Variants in DLG2 observed in about 807,000 individuals in gnomAD.
DLG2 encodes discs large MAGUK scaffold protein 2, also known as disks large homolog 2.
In DLG2, 45 loss-of-function variants were observed where a neutral mutation model predicts 132.5. That is an observed-to-expected ratio of 0.34 (90% confidence interval 0.27 to 0.44). The LOEUF (loss-of-function observed/expected upper bound fraction) is 0.44. Among genes scored for constraint, DLG2 ranks in the 20% least tolerant of loss-of-function variants. DLG2 has a pLI of 1.00. For synonymous variants in DLG2, 424 were observed against 419.6 expected, an observed-to-expected ratio of 1.01 and a Z score of -0.13; for missense variants, 1,045 against 1,196.9, an observed-to-expected ratio of 0.87 and a Z score of 1.87.
chr11:83,631,430 T>C (rs987358676), intron 19 of DLG2: 2 of 152,068 alleles, frequency 1.3e-5, no homozygotes, highest in Non-Finnish European at 2.9e-5. Flanking sequence ...TCTTATGAAA[T>C]GTCAAGTATT....
At chr11:84,529,835 G>A (rs2099330937) in intron 7 of DLG2, among the ~76,000 whole-genome samples, 1 of 152,128 alleles carries the variant, frequency 6.6e-6, no homozygotes, top group Non-Finnish European at 1.5e-5. Flanking sequence ...AAAGAGCCAA[G>A]GCAATCCTAA....
At chr11:85,341,969 A>G (rs1416911744) in intron 3 of DLG2, among the ~76,000 whole-genome samples, 1 of 152,202 alleles carries the variant, frequency 6.6e-6, no homozygotes, top group Non-Finnish European at 1.5e-5. Flanking sequence ...CAAATGAGAT[A>G]TCTGTATAAG....
At chr11:83,734,444 G>T (rs2091602256) in intron 18 of DLG2, among the ~76,000 whole-genome samples, 2 of 124,856 alleles carry the variant, frequency 1.6e-5, no homozygotes, top group African/African-American at 6.2e-5. Flanking sequence ...TTCTCTCTCT[G>T]TCTCTCTCTC....
chr11:83,565,116 T>C (rs1227917594), intron 19 of DLG2, among the ~76,000 whole-genome samples: 1 of 152,120 alleles, frequency 6.6e-6, no homozygotes, highest in African/African-American at 2.4e-5. Flanking sequence ...ATAAGATAAT[T>C]GTATTTCTAT....
chr11:83,631,668 T>C (rs996911299), intron 19 of DLG2: 4 of 152,318 alleles, frequency 2.6e-5, no homozygotes, highest in Non-Finnish European at 5.9e-5. Context: ...CTATTAGCAA[T>C]ATATTTCAGC....
chr11:83,492,674 G>A (rs1199712867), intron 21 of DLG2, among the ~76,000 whole-genome samples: 1 of 151,996 alleles, frequency 6.6e-6, no homozygotes, highest in Admixed American at 6.6e-5. Context: ...AATTACGCAG[G>A]CTGCAAACTT....
intron 4 of DLG2, among the ~76,000 whole-genome samples, chr11:85,228,050 T>A (rs1176790870): frequency 6.6e-6 from 1 of 152,030 alleles, no homozygotes; most frequent in Non-Finnish European, 1.5e-5. Context: ...TTCCTAAATA[T>A]CTTTATTTTT....
At chr11:83,950,439 A>G (rs2085127247) in intron 14 of DLG2, among the ~76,000 whole-genome samples, 1 of 152,192 alleles carries the variant, frequency 6.6e-6, no homozygotes, top group Non-Finnish European at 1.5e-5. Context: ...TACTAAAAAT[A>G]CAAGATTAGC....
At chr11:85,538,268 G>A (rs958036453) in intron 3 of DLG2, among the ~76,000 whole-genome samples, 2 of 151,928 alleles carry the variant, frequency 1.3e-5, no homozygotes, top group Non-Finnish European at 2.9e-5. Flanking sequence ...AAACGTTACT[G>A]TAACCTTTCT....
intron 15 of DLG2, among the ~76,000 whole-genome samples, chr11:83,885,547 TC>T (rs2067601696): frequency 1.3e-5 from 2 of 152,122 alleles, no homozygotes; most frequent in Non-Finnish European, 2.9e-5. Context: ...CAGGAGAACT[TC>T]CCCAATCTAG....
chr11:84,377,730 G>T (rs1479965774), intron 7 of DLG2, among the ~76,000 whole-genome samples: 3 of 151,908 alleles, frequency 2.0e-5, no homozygotes, highest in Non-Finnish European at 4.4e-5. Context: ...ATGATAAAAA[G>T]GTTCAAAATA....
At chr11:84,914,769 C>T (rs1388345536) in intron 6 of DLG2, among the ~76,000 whole-genome samples, 9 of 152,106 alleles carry the variant, frequency 5.9e-5, no homozygotes, top group Non-Finnish European at 1.2e-4. Flanking sequence ...CTGTGAGGCC[C>T]GGAACAAGGC....
chr11:85,595,602 A>G (rs1282058257), intron 3 of DLG2, among the ~76,000 whole-genome samples: 1 of 152,132 alleles, frequency 6.6e-6, no homozygotes, highest in Non-Finnish European at 1.5e-5. Context: ...AAAAAATTAA[A>G]GTGACTTTTT....
At chr11:83,535,261 A>C (rs2095853362) in intron 20 of DLG2, among the ~76,000 whole-genome samples, 1 of 152,230 alleles carries the variant, frequency 6.6e-6, no homozygotes, top group South Asian at 2.1e-4. Context: ...ATGCTTTGGC[A>C]TCATTCAATG....
chr11:84,058,840 A>T (rs1356412591), intron 11 of DLG2, among the ~76,000 whole-genome samples: 8 of 152,066 alleles, frequency 5.3e-5, no homozygotes, highest in African/African-American at 1.7e-4. Context: ...TACTGCAAGC[A>T]TAAAATGTCA....
At chr11:83,490,306 C>T (rs562200948) in intron 21 of DLG2, among the ~76,000 whole-genome samples, 123 of 151,816 alleles carry the variant, frequency 8.1e-4, no homozygotes, top group African/African-American at 2.1e-3. Context: ...AAATGAATAA[C>T]GACAGTAATA....
At position 85,413,612 on chromosome 11, in the gene DLG2, T is replaced by C. The variant is rs559705272; in HGVS notation, c.41-128247A>G. Among the ~76,000 whole-genome samples the C allele has an allele frequency of 4.7e-4, 72 of 152,202 alleles. 2 individuals carry two copies. The highest frequency in any genetic ancestry group is 1.6e-3 in the African/African-American group (66 of 41,554). ...GAAAGATGAGGATCCAGTTTCATTC[T>C]CCTACATGTGGCTAGCCAATTATTC... is the stretch of plus-strand genomic sequence containing the variant. On this transcript the variant is annotated intron_variant, in intron 3 of 27. Coordinates refer to ENST00000376104, the MANE Select transcript of DLG2 (RefSeq NM_001142699.3).
At chr11:85,212,871 C>G (rs962167101) in intron 4 of DLG2, among the ~76,000 whole-genome samples, 1 of 152,124 alleles carries the variant, frequency 6.6e-6, no homozygotes, top group African/African-American at 2.4e-5. Context: ...ATTACCTCAA[C>G]TGTCTCTCTA....
At chr11:83,825,792 C>T (rs957844709) in intron 17 of DLG2, among the ~76,000 whole-genome samples, 4 of 152,160 alleles carry the variant, frequency 2.6e-5, no homozygotes, top group Non-Finnish European at 4.4e-5. Flanking sequence ...TGTCCTGAGC[C>T]CTCCTGAGTG....
Sources: gnomAD v4.1 joint callset for allele counts (sites outside exome capture counted in the v4.1 genomes callset) on GRCh38, gnomAD v4.1.1 for gene constraint, MANE v1.5 for transcripts, NCBI Gene and HGNC (gene_info 2026-07-23, HGNC 2026-07-21) for gene names.